The following RNF6 variants were observed in gnomAD, a reference collection of about 807,000 sequenced individuals.
RNF6 encodes the protein E3 ubiquitin-protein ligase RNF6.
RNF6 carries 21 observed loss-of-function variants against 50.1 expected under a neutral mutation model. That is an observed-to-expected ratio of 0.42 (90% CI 0.30 to 0.60). The LOEUF is 0.60. Among genes scored for constraint, RNF6 ranks in the 20% least tolerant of loss-of-function variants. The probability of loss-of-function intolerance (pLI) is 0.20; values close to 1 mark genes in which losing one functional copy is unlikely to be tolerated. For synonymous variants in RNF6, 255 were observed against 291.8 expected, an observed-to-expected ratio of 0.87 and a Z score of 1.29; for missense variants, 698 against 838.2, an observed-to-expected ratio of 0.83 and a Z score of 2.07.
chr13:26,151,046 A>G (rs1460465468), intron 5 of RNF6: 1 of 152,214 alleles, frequency 6.6e-6, no homozygotes, highest in Non-Finnish European at 1.5e-5. Flanking sequence ...CATGTTAAAT[A>G]AAAAGGGGAA....
intron 5 of RNF6, among the ~76,000 whole-genome samples, chr13:26,203,758 G>A (rs1226574993): frequency 6.6e-6 from 1 of 152,024 alleles, no homozygotes; most frequent in Non-Finnish European, 1.5e-5. Flanking sequence ...TCAGGAGATC[G>A]AGACCATCCT....
exon 6 of RNF6, chr13:26,132,185 T>C (rs1332083673): frequency 4.5e-6 from 1 of 222,084 alleles, no homozygotes; most frequent in African/African-American, 2.3e-5. Flanking sequence ...ATTCCATAGA[T>C]GCTTCAGGGT....
chr13:26,146,172 G>A (rs1871231581), intron 5 of RNF6, among the ~76,000 whole-genome samples: 1 of 152,192 alleles, frequency 6.6e-6, no homozygotes, highest in South Asian at 2.1e-4. Flanking sequence ...TCCCTTTGGG[G>A]AAGGCTGGGA....
At chr13:26,202,441 T>A (rs1868932087) in intron 5 of RNF6, among the ~76,000 whole-genome samples, 1 of 152,244 alleles carries the variant, frequency 6.6e-6, no homozygotes, top group South Asian at 2.1e-4. Context: ...ACATTACTCT[T>A]TAAAATACTG....
At chr13:26,190,583 C>A (rs999824067) in intron 5 of RNF6, among the ~76,000 whole-genome samples, 1 of 152,176 alleles carries the variant, frequency 6.6e-6, no homozygotes. Context: ...TGTTCAGTTA[C>A]GATTCACATA....
intron 5 of RNF6, among the ~76,000 whole-genome samples, chr13:26,177,421 T>A (rs1233961296): frequency 6.6e-6 from 1 of 152,222 alleles, no homozygotes; most frequent in Non-Finnish European, 1.5e-5. Flanking sequence ...CCTGGCAGCA[T>A]CCTCTTCCTC....
At chr13:26,165,785 C>T (rs746256489) in intron 5 of RNF6, among the ~76,000 whole-genome samples, 1 of 152,222 alleles carries the variant, frequency 6.6e-6, no homozygotes, top group Admixed American at 6.5e-5. Flanking sequence ...TACCCAATGC[C>T]TATACTCCCA....
intron 2 of RNF6, among the ~76,000 whole-genome samples, chr13:26,220,460 C>G (rs190134610): frequency 6.6e-6 from 1 of 152,176 alleles, no homozygotes; most frequent in Non-Finnish European, 1.5e-5. Context: ...TCCTGAGAAG[C>G]TCACTTTTAA....
chr13:26,198,639 G>A (rs1208746893), intron 5 of RNF6, among the ~76,000 whole-genome samples: 4 of 151,676 alleles, frequency 2.6e-5, no homozygotes, highest in Non-Finnish European at 2.9e-5. Context: ...CTGTAATGAA[G>A]GTCCTAGATA....
chr13:26,183,690 T>C (rs1344962965), intron 5 of RNF6, among the ~76,000 whole-genome samples: 1 of 152,080 alleles, frequency 6.6e-6, no homozygotes, highest in Non-Finnish European at 1.5e-5. Flanking sequence ...TTTGGACTAA[T>C]ACAGAATAGC....
chr13:26,182,656 T>C (rs1873297035), intron 5 of RNF6, among the ~76,000 whole-genome samples: 2 of 151,924 alleles, frequency 1.3e-5, no homozygotes, highest in African/African-American at 4.8e-5. Context: ...CTACAAAAAA[T>C]TAGCTGGGCA....
chr13:26,135,426 T>C lies in RNF6; in HGVS notation n.769-2975A>G, dbSNP rs1285589126. On this transcript the variant is annotated intron_variant and non_coding_transcript_variant, in intron 5 of 5. Coordinates refer to the RNF6 transcript ENST00000468480. Reference sequence around the variant, plus strand: ...AGGATAAATTACATCCACTCAATAGTGCTGAGATAATTTTTTTGTGAAAAC... The same window carrying C: ...AGGATAAATTACATCCACTCAATAGCGCTGAGATAATTTTTTTGTGAAAAC... 3.9e-5 allele frequency: 6 copies of C among 152,302 alleles called. No homozygotes were observed. In the East Asian group the frequency reaches 1.2e-3, roughly 29 times the overall value. The allele number at this position is 152,302 out of a possible 1,614,324, so 9.4% of individuals were successfully genotyped here.
chr13:26,178,144 AC>A (rs1873053833), intron 5 of RNF6, among the ~76,000 whole-genome samples: 1 of 152,192 alleles, frequency 6.6e-6, no homozygotes, highest in Non-Finnish European at 1.5e-5. Flanking sequence ...AGACAAGATC[AC>A]ACCACTGCAC....
chr13:26,180,793 C>T (rs1189670613), intron 5 of RNF6, among the ~76,000 whole-genome samples: 1 of 152,210 alleles, frequency 6.6e-6, no homozygotes, highest in African/African-American at 2.4e-5. Context: ...ATCTGGGTGG[C>T]AGATCCTGCA....
At chr13:26,196,218 A>G (rs1487698426) in intron 5 of RNF6, among the ~76,000 whole-genome samples, 2 of 152,234 alleles carry the variant, frequency 1.3e-5, no homozygotes, top group African/African-American at 2.4e-5. Flanking sequence ...TCACAAACAT[A>G]CACTGCTTCT....
chr13:26,176,285 C>CT (rs1872952931), intron 5 of RNF6, among the ~76,000 whole-genome samples: 1 of 152,144 alleles, frequency 6.6e-6, no homozygotes, highest in Admixed American at 6.5e-5. Context: ...TCTTCCCAGT[C>CT]TCTTCTCTTT....
At chr13:26,198,134 A>G (rs781645202) in intron 5 of RNF6, among the ~76,000 whole-genome samples, 5,368 of 150,900 alleles carry the variant, frequency 0.036, 137 homozygotes, top group Middle Eastern at 0.069. Flanking sequence ...GTGTGTATAT[A>G]TATATATATA....
chr13:26,202,543 C>G (rs905425837), intron 5 of RNF6, among the ~76,000 whole-genome samples: 2 of 152,198 alleles, frequency 1.3e-5, no homozygotes, highest in African/African-American at 4.8e-5. Flanking sequence ...GAAGCATTAA[C>G]TGTTAAAGCT....
intron 5 of RNF6, among the ~76,000 whole-genome samples, chr13:26,159,661 G>A (rs961089339): frequency 1.3e-5 from 2 of 151,984 alleles, no homozygotes; most frequent in Non-Finnish European, 2.9e-5. Context: ...AACATTATGA[G>A]TTTTTAATTA....
Sources: allele counts gnomAD v4.1 joint callset (sites outside exome capture counted in the v4.1 genomes callset), GRCh38; gene constraint gnomAD v4.1.1; transcripts MANE v1.5; gene names NCBI Gene and HGNC (gene_info 2026-07-23, HGNC 2026-07-21).